The following VAV3 variants were observed in gnomAD, a reference collection of about 807,000 sequenced individuals.
VAV3 encodes the protein vav guanine nucleotide exchange factor 3.
VAV3 carries 94 observed loss-of-function variants against 131.2 expected under a neutral mutation model. The observed-to-expected ratio is 0.72, with a 90% confidence interval of 0.61 to 0.85. The LOEUF is 0.85. VAV3 is among the 40% of genes least tolerant of loss of function. The pLI is 0.00. For synonymous variants in VAV3, 349 were observed against 342.0 expected (o/e 1.02, Z -0.22); for missense variants, 939 against 1,002.7 (o/e 0.94, Z 0.86).
intron 2 of VAV3, among the ~76,000 whole-genome samples, chr1:107,811,791 C>T (rs1371823589): frequency 1.3e-5 from 2 of 152,080 alleles, no homozygotes; most frequent in African/African-American, 2.4e-5. Context: ...CAAAGGTGAA[C>T]ACTAAGAGGT....
intron 20 of VAV3, among the ~76,000 whole-genome samples, chr1:107,634,780 AAAAC>A (rs1305982550): frequency 8.6e-5 from 13 of 151,968 alleles, no homozygotes; most frequent in South Asian, 2.1e-4. Flanking sequence ...TTACAAGAAA[AAAAC>A]AAACAACCCC....
At chr1:107,880,428 G>A (rs1670708449) in intron 1 of VAV3, among the ~76,000 whole-genome samples, 1 of 152,170 alleles carries the variant, frequency 6.6e-6, no homozygotes, top group South Asian at 2.1e-4. Context: ...CAGAAGAGGG[G>A]AGCTGGGATG....
rs757068688 is a variant in VAV3, at chr1:107,602,457, C to T, written c.2160G>A (p.Lys720=). The stretch of plus-strand genomic sequence containing the variant: ...GAAAAAAGCCATCTCTTGTTAAAAT[C>T]TTGATGTGCTTTGCTTCATTATTGT... ...IKYNNEAKHI[K]ILTRDGFFHI... The change falls in exon 24 of 27, where the codon AAG becomes AAA. Residue 720 remains lysine (K), a synonymous_variant. Transcript: ENST00000370056. The T allele has an allele frequency of 1.3e-6, 2 of 1,574,292 alleles. No homozygotes were observed. The highest frequency in any genetic ancestry group is 1.7e-6 in the Non-Finnish European group (2 of 1,167,838).
chr1:107,840,476 T>C (rs1357659771), intron 2 of VAV3, among the ~76,000 whole-genome samples: 1 of 152,188 alleles, frequency 6.6e-6, no homozygotes, highest in Non-Finnish European at 1.5e-5. Context: ...GATATAAACA[T>C]TTCCCTCTCA....
chr1:107,722,585 T>C (rs1661563706), intron 15 of VAV3, among the ~76,000 whole-genome samples: 1 of 152,160 alleles, frequency 6.6e-6, no homozygotes, highest in Non-Finnish European at 1.5e-5. Context: ...ATGCCTACTA[T>C]GCTCCAAACA....
rs1420456758 is a variant in VAV3 at position 107,902,806 on chromosome 1, T to C, written c.205-27789A>G. Among the ~76,000 whole-genome samples the C allele has an allele frequency of 2.0e-5, 3 of 152,286 alleles. No homozygotes were observed. The East Asian group carries it at 5.8e-4, about 29-fold the overall frequency. The stretch of plus-strand genomic sequence containing the variant: ...ATTAAAAAAAAAGCTTACAGACTTA[T>C]TTGTGCAGTCTCTTGATATAAGGCA... On this transcript the variant is annotated intron_variant, in intron 1 of 26. Transcript: ENST00000370056.
At position 107,675,528 on chromosome 1, in the gene VAV3, C is replaced by G. The variant is rs187897963; in HGVS notation, c.1777+7960G>C. On this transcript the variant is annotated intron_variant, in intron 19 of 26. Transcript: ENST00000370056. ...CTATTATGCATGAATATGTTTAATA[C>G]AGATAAAATTTAAAAAGATCTCTCC... Among the ~76,000 whole-genome samples the G allele has an allele frequency of 1.2e-4, 18 of 152,298 alleles. No individual in the cohort carries two copies. The East Asian group carries it at 3.5e-3, about 29-fold the overall frequency.
chr1:107,883,269 A>C (rs1011487614), intron 1 of VAV3, among the ~76,000 whole-genome samples: 1 of 152,326 alleles, frequency 6.6e-6, no homozygotes, highest in South Asian at 2.1e-4. Flanking sequence ...CACCCGGCTC[A>C]CATCTGTTAT....
chr1:107,724,189 C>T (rs1661691332), intron 15 of VAV3, among the ~76,000 whole-genome samples: 1 of 152,026 alleles, frequency 6.6e-6, no homozygotes, highest in Admixed American at 6.6e-5. Flanking sequence ...TCAAAGTACT[C>T]TTTAAATGTT....
At position 107,957,499 on chromosome 1, in the gene VAV3, G is replaced by A. The variant is rs567708310; in HGVS notation, c.204+7167C>T. Among the ~76,000 whole-genome samples the A allele has an allele frequency of 1.1e-4, 17 of 152,324 alleles. No individual in the cohort carries two copies. In the East Asian group the frequency reaches 3.3e-3, roughly 29 times the overall value. On this transcript the variant is annotated intron_variant, in intron 1 of 26. Coordinates refer to ENST00000370056, the MANE Select transcript of VAV3 (RefSeq NM_006113.5). Reference sequence around the variant, plus strand: ...ACAGGCAGACTGAGGCTGTCAGTATGAATTTGGGATCCAGCAAGGTAGGTA... The same window carrying A: ...ACAGGCAGACTGAGGCTGTCAGTATAAATTTGGGATCCAGCAAGGTAGGTA...
At chr1:107,661,574 G>T (rs2101626935) in intron 19 of VAV3, among the ~76,000 whole-genome samples, 1 of 152,210 alleles carries the variant, frequency 6.6e-6, no homozygotes, top group Non-Finnish European at 1.5e-5. Context: ...CCATGAAATT[G>T]TTCAATTGTT....
chr1:107,611,605 A>AAAAAC (rs1553174647), intron 21 of VAV3, among the ~76,000 whole-genome samples: 1 of 144,024 alleles, frequency 6.9e-6, no homozygotes, highest in Non-Finnish European at 1.5e-5. Context: ...CCAAAAAAAA[A>AAAAAC]AAACAAACAA....
chr1:107,586,109 A>G (rs528609715), intron 25 of VAV3, among the ~76,000 whole-genome samples: 2 of 149,618 alleles, frequency 1.3e-5, no homozygotes, highest in Non-Finnish European at 3.0e-5. Context: ...GCCATCCCTC[A>G]GCGCTCATGA....
intron 25 of VAV3, among the ~76,000 whole-genome samples, chr1:107,591,550 G>A (rs1161211284): frequency 6.6e-6 from 1 of 152,082 alleles, no homozygotes; most frequent in Non-Finnish European, 1.5e-5. Context: ...GAAATCAATG[G>A]ACCAGACGCT....
intron 21 of VAV3, among the ~76,000 whole-genome samples, chr1:107,616,555 A>G (rs1411768086): frequency 6.6e-6 from 1 of 152,174 alleles, no homozygotes; most frequent in Non-Finnish European, 1.5e-5. Flanking sequence ...TTACCCAAAT[A>G]ATAAACCTGC....
At chr1:107,882,474 T>G (rs1670829380) in intron 1 of VAV3, among the ~76,000 whole-genome samples, 1 of 152,098 alleles carries the variant, frequency 6.6e-6, no homozygotes, top group Non-Finnish European at 1.5e-5. Flanking sequence ...ACAAGAAGAA[T>G]TCTCCTTCTC....
intron 1 of VAV3, among the ~76,000 whole-genome samples, chr1:107,896,694 T>G (rs1333885038): frequency 1.5e-5 from 2 of 133,320 alleles, no homozygotes; most frequent in Non-Finnish European, 3.1e-5. Flanking sequence ...AATTTTATAT[T>G]TAAAAAGACT....
At chr1:107,727,343 T>C (rs1361162203) in intron 15 of VAV3, among the ~76,000 whole-genome samples, 2 of 152,220 alleles carry the variant, frequency 1.3e-5, no homozygotes, top group Admixed American at 1.3e-4. Context: ...ATGATGAATA[T>C]GATCTCCACA....
intron 20 of VAV3, among the ~76,000 whole-genome samples, chr1:107,622,875 AG>A (rs1225635525): frequency 6.6e-6 from 1 of 152,204 alleles, no homozygotes; most frequent in Non-Finnish European, 1.5e-5. Context: ...TACACAAATT[AG>A]TTTATTGATT....
Sources: gnomAD v4.1 joint callset for allele counts (sites outside exome capture counted in the v4.1 genomes callset) on GRCh38, gnomAD v4.1.1 for gene constraint, MANE v1.5 for transcripts, NCBI Gene and HGNC (gene_info 2026-07-23, HGNC 2026-07-21) for gene names.